The following TTK variants were observed in gnomAD, a reference collection of about 807,000 sequenced individuals.
TTK encodes the protein dual specificity protein kinase TTK.
A neutral mutation model predicts 117.3 loss-of-function variants in TTK; 59 were observed. The observed-to-expected ratio is 0.50, with a 90% confidence interval of 0.41 to 0.62. The LOEUF is 0.62. Among genes scored for constraint, TTK ranks in the 20% least tolerant of loss-of-function variants. TTK has a pLI of 0.00. For synonymous variants in TTK, 302 were observed against 325.0 expected, an observed-to-expected ratio of 0.93 and a Z score of 0.76; for missense variants, 921 against 989.4, an observed-to-expected ratio of 0.93 and a Z score of 0.93.
chr6:80,040,496 T>A, intron 20 of TTK, 110 bp from the exon 21 acceptor site: 2 of 987,674 alleles, frequency 2.0e-6, no homozygotes, highest in Non-Finnish European at 2.9e-6. Context: ...CGGGTTATAA[T>A]CAGTGATAAA....
At chr6:80,018,316 T>C (rs1450232170) in intron 10 of TTK, among the ~76,000 whole-genome samples, 1 of 152,102 alleles carries the variant, frequency 6.6e-6, no homozygotes, top group Non-Finnish European at 1.5e-5. Flanking sequence ...CACAGTTATG[T>C]TTGAAAATAG....
At position 80,008,470 on chromosome 6, in the gene TTK, T is replaced by G; in HGVS notation, c.447T>G (p.Phe149Leu). The G allele has an allele frequency of 1.2e-6, 2 of 1,611,736 alleles. No homozygotes were observed. The highest frequency in any genetic ancestry group is 2.2e-5 in the South Asian group (2 of 90,714). The change falls in exon 4 of 22, where the codon TTT (phenylalanine) becomes TTG (leucine). Residue 149 changes from phenylalanine to leucine, a missense_variant. Coordinates refer to ENST00000369798, the MANE Select transcript of TTK (RefSeq NM_003318.5). ...AATTTGCTTTTGTTCATATATCTTT[T>G]GCACAATTTGAACTGTCACAAGGTA... ...CKKFAFVHIS[F>L]AQFELSQGNV...
chr6:80,035,349 T>TG lies in TTK; in HGVS notation c.1856_1857insG (p.Ile619MetfsTer2). ...AGTTGGCTTAAAAAGAAAAAATCCATTGATCCATGGGAACGCAAGAGTTAC... is the reference window on the plus strand; with the variant it reads ...AGTTGGCTTAAAAAGAAAAAATCCATGTGATCCATGGGAACGCAAGAGTTAC... On this transcript the variant is annotated frameshift_variant, in exon 16 of 22. Transcript: ENST00000369798. LOFTEE classifies it high-confidence loss of function. 1 of 1,612,714 alleles carries TG rather than the reference T, an allele frequency of 6.2e-7. No homozygotes were observed. The highest frequency in any genetic ancestry group is 8.5e-7 in the Non-Finnish European group (1 of 1,179,276).
In TTK at chr6:80,011,429, T is replaced by G; in HGVS notation, c.614-5T>G. ...AATTTAATCATAGTTTCAAAATTTT[T>G]ACAGCATCTACGGTATTAACTGCCC... On this transcript the variant is annotated splice_polypyrimidine_tract_variant and splice_region_variant and intron_variant, in intron 5 of 21. Coordinates refer to ENST00000369798, the MANE Select transcript of TTK (RefSeq NM_003318.5). The G allele has an allele frequency of 6.5e-7, 1 of 1,549,846 alleles. No homozygotes were observed. Among genetic ancestry groups the G allele is most frequent in the Non-Finnish European group, 8.6e-7 (1 of 1,156,368 alleles).
chr6:80,028,474 C>T (rs1450604513), intron 13 of TTK, among the ~76,000 whole-genome samples: 6 of 151,842 alleles, frequency 4.0e-5, no homozygotes, highest in Middle Eastern at 3.2e-3. Context: ...CGCACCACCA[C>T]ACCTGGCTAA....
At chr6:80,010,040 A>G (rs555842329) in intron 4 of TTK, among the ~76,000 whole-genome samples, 1 of 152,254 alleles carries the variant, frequency 6.6e-6, no homozygotes, top group South Asian at 2.1e-4. Context: ...ACCAGAAGCT[A>G]GAGATCATCT....
At chr6:80,021,329 C>G (rs933390436) in intron 10 of TTK, among the ~76,000 whole-genome samples, 1 of 152,218 alleles carries the variant, frequency 6.6e-6, no homozygotes. Context: ...GGCCTGGTAG[C>G]CTGAGTGGGT....
At chr6:80,037,941 T>G in intron 17 of TTK, 26 bp from the exon 18 acceptor site, 2 of 1,441,894 alleles carry the variant, frequency 1.4e-6, no homozygotes, top group Non-Finnish European at 1.9e-6. Context: ...TTCATTGATT[T>G]GTGTTTTCTC....
intron 10 of TTK, among the ~76,000 whole-genome samples, chr6:80,019,381 C>G (rs900885855): frequency 1.3e-5 from 2 of 152,164 alleles, no homozygotes; most frequent in Non-Finnish European, 2.9e-5. Flanking sequence ...AAAGACTATT[C>G]TGTAATTTCT....
intron 9 of TTK, 171 bp downstream of exon 9, chr6:80,013,537 C>A: frequency 2.0e-6 from 1 of 507,322 alleles, no homozygotes. Flanking sequence ...TGCAGAAGTC[C>A]TAGACTATGT....
intron 8 of TTK, among the ~76,000 whole-genome samples, chr6:80,012,218 C>T (rs1767179237): frequency 6.6e-6 from 1 of 151,902 alleles, no homozygotes; most frequent in Non-Finnish European, 1.5e-5. Context: ...AATATTAAGT[C>T]AACATTAAGC....
chr6:80,018,933 T>G (rs1464223566), intron 10 of TTK, among the ~76,000 whole-genome samples: 2 of 152,206 alleles, frequency 1.3e-5, no homozygotes, highest in Non-Finnish European at 2.9e-5. Flanking sequence ...ATGTTTTTTC[T>G]GCATCTATTT....
Position 80,011,932 on chromosome 6 carries a change from A to G in TTK, c.848A>G (p.Asp283Gly), listed in dbSNP as rs931231327. Residue 283 changes from aspartate (D) to glycine (G), a missense_variant, in exon 8 of 22, where the codon GAT (aspartate) becomes GGT (glycine). Transcript: ENST00000369798. ...CCAGTTAACCTTCTAAATAGCCCAG[A>G]TTGTGATGTGAAGACAGATGATTCA... ...RVPVNLLNSPDCDVKTDDSVV... is the reference protein window; with the variant it reads ...RVPVNLLNSPGCDVKTDDSVV... The G allele has an allele frequency of 3.1e-6, 5 of 1,612,318 alleles. No individual in the cohort carries two copies. Among genetic ancestry groups the G allele is most frequent in the African/African-American group, 2.7e-5 (2 of 74,856 alleles).
chr6:80,006,219 G>T (rs1478160769), intron 2 of TTK: 1 of 500,550 alleles, frequency 2.0e-6, no homozygotes, highest in African/African-American at 1.9e-5. Context: ...ATTAATGGGT[G>T]AAAATGCCCA....
At chr6:80,036,168 T>A (rs1322933668) in intron 16 of TTK, among the ~76,000 whole-genome samples, 1 of 152,104 alleles carries the variant, frequency 6.6e-6, no homozygotes. Flanking sequence ...TCACTTAGGC[T>A]GTGTGACCTT....
At chr6:80,018,522 G>A (rs1349109639) in intron 10 of TTK, among the ~76,000 whole-genome samples, 3 of 151,176 alleles carry the variant, frequency 2.0e-5, no homozygotes, top group East Asian at 3.9e-4. Context: ...TAATCGGGAA[G>A]CTGAGGCAGG....
At chr6:80,005,146 G>C (rs1304236894) in intron 1 of TTK, among the ~76,000 whole-genome samples, 1 of 152,094 alleles carries the variant, frequency 6.6e-6, no homozygotes, top group Non-Finnish European at 1.5e-5. Flanking sequence ...ACCTGAAGAC[G>C]GGGCAGCATT....
In TTK at chr6:80,039,799, A is replaced by G. The variant is rs765258198; in HGVS notation, c.2234A>G (p.His745Arg). The change falls in exon 19 of 22, where the codon CAT becomes CGT. Residue 745 changes from histidine to arginine, a missense_variant. By Grantham distance (29) the His-to-Arg change is conservative (BLOSUM62 0). Coordinates refer to ENST00000369798, the MANE Select transcript of TTK (RefSeq NM_003318.5). ...ATAATTAATCAGATTTCTAAATTAC[A>G]TGCCATAATTGATCCTAATCATGAA... ...QQIINQISKL[H>R]AIIDPNHEIE... The G allele has an allele frequency of 2.0e-5, 31 of 1,587,424 alleles. No homozygotes were observed. In the South Asian group the frequency reaches 3.5e-4, roughly 18 times the overall value.
intron 14 of TTK, among the ~76,000 whole-genome samples, chr6:80,031,937 T>G (rs1767770617): frequency 6.6e-6 from 1 of 152,230 alleles, no homozygotes; most frequent in Non-Finnish European, 1.5e-5. Context: ...GGATTTTTAC[T>G]AATGGATTTT....
Sources: allele counts gnomAD v4.1 joint callset (sites outside exome capture counted in the v4.1 genomes callset), GRCh38; gene constraint gnomAD v4.1.1; transcripts MANE v1.5; gene names NCBI Gene and HGNC (gene_info 2026-07-23, HGNC 2026-07-21).